PTPRD: variants seen among roughly 807,000 people sequenced by gnomAD.
PTPRD encodes the protein receptor-type tyrosine-protein phosphatase delta.
PTPRD carries 34 observed loss-of-function variants against 214.5 expected under a neutral mutation model. That is an observed-to-expected ratio of 0.16 (90% CI 0.12 to 0.21). The LOEUF (loss-of-function observed/expected upper bound fraction) is 0.21. PTPRD is among the 10% of genes least tolerant of loss of function. The pLI, the probability that PTPRD is intolerant of heterozygous loss-of-function variation, is 1.00. For missense variants in PTPRD, 2,545 were observed against 2,398.7 expected, an observed-to-expected ratio of 1.06 and a Z score of -1.27; for synonymous variants, 1,128 against 845.7, an observed-to-expected ratio of 1.33 and a Z score of -5.79.
intron 12 of PTPRD, among the ~76,000 whole-genome samples, chr9:8,728,652 C>A (rs1437772802): frequency 6.6e-6 from 1 of 152,184 alleles, no homozygotes; most frequent in Non-Finnish European, 1.5e-5. Flanking sequence ...ATCATTTGCC[C>A]TGCTTTCAAC....
At chr9:10,413,739 A>C (rs1010734835) in intron 2 of PTPRD, among the ~76,000 whole-genome samples, 1 of 151,858 alleles carries the variant, frequency 6.6e-6, no homozygotes, top group Non-Finnish European at 1.5e-5. Flanking sequence ...CAAAACAGCA[A>C]GATATTGGTA....
At chr9:9,954,635 G>C (rs1278328213) in intron 4 of PTPRD, among the ~76,000 whole-genome samples, 1 of 151,828 alleles carries the variant, frequency 6.6e-6, no homozygotes, top group Non-Finnish European at 1.5e-5. Flanking sequence ...TTTTCTTTTA[G>C]AATACTATAA....
At chr9:10,407,582 G>C (rs574699721) in intron 2 of PTPRD, among the ~76,000 whole-genome samples, 83 of 151,558 alleles carry the variant, frequency 5.5e-4, no homozygotes, top group African/African-American at 1.9e-3. Context: ...TAAGTCATAA[G>C]GTTTACAACT....
chr9:9,722,672 G>A (rs1027223239), intron 7 of PTPRD, among the ~76,000 whole-genome samples: 2 of 151,946 alleles, frequency 1.3e-5, no homozygotes, highest in Non-Finnish European at 2.9e-5. Flanking sequence ...GCATCATTTT[G>A]CATTCCCACC....
chr9:9,838,470 G>A (rs866548699), intron 5 of PTPRD, among the ~76,000 whole-genome samples: 2 of 152,244 alleles, frequency 1.3e-5, no homozygotes, highest in Non-Finnish European at 1.5e-5. Context: ...TCTAACTGGT[G>A]TGAGATTGTA....
At chr9:10,058,548 G>C (rs1159183912) in intron 3 of PTPRD, among the ~76,000 whole-genome samples, 2 of 151,998 alleles carry the variant, frequency 1.3e-5, no homozygotes, top group African/African-American at 4.8e-5. Flanking sequence ...CTTTAAGATT[G>C]ATACCATGAA....
chr9:9,541,271 C>G (rs1199090276), intron 8 of PTPRD, among the ~76,000 whole-genome samples: 2 of 151,726 alleles, frequency 1.3e-5, no homozygotes, highest in Admixed American at 6.6e-5. Flanking sequence ...ACACTCCCTA[C>G]AGGACTTCAG....
At chr9:8,658,407 G>C (rs1005664057) in intron 12 of PTPRD, among the ~76,000 whole-genome samples, 4 of 152,078 alleles carry the variant, frequency 2.6e-5, no homozygotes, top group African/African-American at 9.7e-5. Context: ...AAATTGTTCT[G>C]ACCTTTCCCA....
intron 36 of PTPRD, 25 bp from the exon 37 acceptor site, chr9:8,389,432 A>G: frequency 1.3e-6 from 2 of 1,588,706 alleles, no homozygotes; most frequent in Non-Finnish European, 1.7e-6. Context: ...GTGTTATTCA[A>G]CCAGGTGAGC....
At chr9:9,942,507 A>G (rs7865695) in intron 4 of PTPRD, among the ~76,000 whole-genome samples, 13,542 of 152,180 alleles carry the variant, frequency 0.089, 1,903 homozygotes, top group African/African-American at 0.3. Flanking sequence ...ATAGATTTCT[A>G]TAAGTATGTG....
intron 7 of PTPRD, among the ~76,000 whole-genome samples, chr9:9,595,175 T>C (rs2093170402): frequency 6.6e-6 from 1 of 151,352 alleles, no homozygotes; most frequent in Admixed American, 6.6e-5. Context: ...GAAAACAGTG[T>C]GGAGATTCCT....
chr9:8,455,328 G>C (rs2096147075), intron 33 of PTPRD, among the ~76,000 whole-genome samples: 2 of 152,150 alleles, frequency 1.3e-5, no homozygotes, highest in Admixed American at 1.3e-4. Flanking sequence ...TATTTTCCTA[G>C]TCTGTGGTGC....
chr9:9,331,653 A>G (rs1595899587), intron 9 of PTPRD, among the ~76,000 whole-genome samples: 1 of 152,070 alleles, frequency 6.6e-6, no homozygotes, highest in African/African-American at 2.4e-5. Context: ...GAGTGTACCA[A>G]TAACAACGGC....
chr9:9,224,507 G>A (rs967982728), intron 9 of PTPRD, among the ~76,000 whole-genome samples: 16 of 151,976 alleles, frequency 1.1e-4, no homozygotes, highest in African/African-American at 3.4e-4. Flanking sequence ...GAAAATGGGG[G>A]ATAATAAAAT....
In PTPRD at chr9:9,950,595, A is replaced by G. The variant is rs1167438152; in HGVS notation, c.-471-11985T>C. Among the ~76,000 whole-genome samples the G allele has an allele frequency of 1.1e-3, 90 of 81,036 alleles. 16 individuals are homozygous for G. Among genetic ancestry groups the G allele is most frequent in the Non-Finnish European group, 1.5e-3 (75 of 50,544 alleles). 53.2% of individuals were successfully genotyped at this position (81,036 alleles called of 152,430 possible). On this transcript the variant is annotated intron_variant, in intron 4 of 45. Coordinates refer to ENST00000381196, the MANE Select transcript of PTPRD (RefSeq NM_002839.4). ...AAAAATTAGCCGGGCGAGGTGGTGG[A>G]CGCCTGTAGTCCCAGCTACTTGGGA...
intron 3 of PTPRD, among the ~76,000 whole-genome samples, chr9:10,077,407 T>C (rs776692425): frequency 2.0e-5 from 3 of 152,294 alleles, no homozygotes; most frequent in Non-Finnish European, 4.4e-5. Context: ...AGAAATGTAC[T>C]TTTCAAATTT....
intron 8 of PTPRD, among the ~76,000 whole-genome samples, chr9:9,512,238 A>G (rs913450486): frequency 2.0e-4 from 30 of 152,002 alleles, no homozygotes; most frequent in African/African-American, 6.7e-4. Context: ...CATTGCTTCA[A>G]TTAGTATGCA....
intron 14 of PTPRD, among the ~76,000 whole-genome samples, chr9:8,587,630 T>C (rs2093768387): frequency 6.6e-6 from 1 of 152,164 alleles, no homozygotes; most frequent in Non-Finnish European, 1.5e-5. Flanking sequence ...TTCAACAGAC[T>C]AAAAGTTCTC....
intron 34 of PTPRD, among the ~76,000 whole-genome samples, chr9:8,444,807 G>T (rs1427392966): frequency 6.6e-6 from 1 of 152,144 alleles, no homozygotes; most frequent in Non-Finnish European, 1.5e-5. Context: ...TTTGGAAATT[G>T]TTTATAAAAG....
Sources: gnomAD v4.1 joint callset for allele counts (sites outside exome capture counted in the v4.1 genomes callset) on GRCh38, gnomAD v4.1.1 for gene constraint, MANE v1.5 for transcripts, NCBI Gene and HGNC (gene_info 2026-07-23, HGNC 2026-07-21) for gene names.